Variants in PITPNA observed in about 807,000 individuals in gnomAD.
The protein encoded by PITPNA is phosphatidylinositol transfer protein alpha isoform.
A neutral mutation model predicts 50.3 loss-of-function variants in PITPNA; 13 were observed. That is an observed-to-expected ratio of 0.26 (90% CI 0.17 to 0.41). The LOEUF is 0.41. Among genes scored for constraint, PITPNA ranks in the 10% least tolerant of loss-of-function variants. The pLI is 1.00. For synonymous variants in PITPNA, 120 were observed against 119.6 expected, an observed-to-expected ratio of 1.00 and a Z score of -0.02; for missense variants, 207 against 333.4, an observed-to-expected ratio of 0.62 and a Z score of 2.95.
intron 6 of PITPNA, 102 bp downstream of exon 6, chr17:1,541,464 G>A (rs2075647482): frequency 1.2e-6 from 1 of 835,524 alleles, no homozygotes; most frequent in South Asian, 1.4e-5. Flanking sequence ...TTCCCGGCCA[G>A]GCAAAAGAGG....
chr17:1,558,060 A>G (rs145203898), intron 2 of PITPNA, among the ~76,000 whole-genome samples: 5,695 of 152,098 alleles, frequency 0.037, 361 homozygotes, highest in African/African-American at 0.13. Context: ...GTGAAAGCCC[A>G]TCTCTACTAA....
At chr17:1,548,259 G>C (rs571670456) in intron 4 of PITPNA, 37 bp downstream of exon 4, 29 of 1,407,630 alleles carry the variant, frequency 2.1e-5, no homozygotes, top group Middle Eastern at 1.8e-4. Context: ...TCTGCTGCCC[G>C]CCCCTGCCTG....
chr17:1,542,354 G>A (rs947287180), intron 5 of PITPNA, among the ~76,000 whole-genome samples: 5 of 152,134 alleles, frequency 3.3e-5, no homozygotes, highest in South Asian at 2.1e-4. Context: ...ACTCACCATG[G>A]CCCCTTTCCC....
At chr17:1,521,712 C>T in intron 10 of PITPNA, 67 bp from the exon 11 acceptor site, 1 of 1,359,036 alleles carries the variant, frequency 7.4e-7, no homozygotes, top group Non-Finnish European at 1.1e-6. Flanking sequence ...CTTCTCAGTC[C>T]TGCCCATAGG....
intron 3 of PITPNA, among the ~76,000 whole-genome samples, chr17:1,549,055 G>T (rs1452213615): frequency 3.3e-5 from 5 of 152,066 alleles, no homozygotes; most frequent in African/African-American, 1.2e-4. Context: ...TTACAGGCAT[G>T]CGCCACCACG....
At chr17:1,542,169 C>T (rs914448141) in intron 5 of PITPNA, among the ~76,000 whole-genome samples, 3 of 151,376 alleles carry the variant, frequency 2.0e-5, no homozygotes, top group Non-Finnish European at 4.4e-5. Flanking sequence ...CACTGCACTC[C>T]AGTCTAGGAA....
At position 1,517,955 on chromosome 17, in the gene PITPNA, G is replaced by T. The variant is rs562275847; in HGVS notation, c.*2606C>A. The T allele has an allele frequency of 3.4e-4, 52 of 152,682 alleles. No individual in the cohort carries two copies. The highest frequency in any genetic ancestry group is 1.2e-3 in the African/African-American group (49 of 41,550). 9.5% of individuals were successfully genotyped at this position (152,682 alleles called of 1,614,324 possible). On this transcript the variant is annotated 3_prime_UTR_variant, in exon 12 of 12. Transcript: ENST00000313486. ...GCAAGTTTGAGGATACATACAGCTGGAAAATGGACATCACCAAACTGGACT... is the reference window on the plus strand; with the variant it reads ...GCAAGTTTGAGGATACATACAGCTGTAAAATGGACATCACCAAACTGGACT...
chr17:1,534,300 C>G, intron 9 of PITPNA, 79 bp from the exon 10 acceptor site: 3 of 1,561,440 alleles, frequency 1.9e-6, no homozygotes, highest in Non-Finnish European at 2.6e-6. Context: ...GCACTCCACA[C>G]GAATACCCAC....
chr17:1,529,785 T>G (rs1026633906), intron 10 of PITPNA, among the ~76,000 whole-genome samples: 1 of 150,826 alleles, frequency 6.6e-6, no homozygotes, highest in South Asian at 2.1e-4. Context: ...AATTGGGGAG[T>G]TGGAGGTTGC....
At chr17:1,528,078 C>T (rs2075558726) in intron 10 of PITPNA, among the ~76,000 whole-genome samples, 2 of 152,168 alleles carry the variant, frequency 1.3e-5, no homozygotes, top group African/African-American at 4.8e-5. Context: ...GTAGTCCCAG[C>T]TACTTGGGAG....
intron 9 of PITPNA, 120 bp downstream of exon 9, chr17:1,535,062 C>A: frequency 1.5e-6 from 1 of 658,174 alleles, no homozygotes; most frequent in South Asian, 1.8e-5. Flanking sequence ...CCCCACCGCA[C>A]ACACACGCAG....
intron 4 of PITPNA, among the ~76,000 whole-genome samples, chr17:1,547,855 G>A (rs1031268955): frequency 1.3e-5 from 2 of 151,820 alleles, no homozygotes; most frequent in Admixed American, 1.3e-4. Flanking sequence ...TTAGCCAGGC[G>A]TGGCGGTATG....
In PITPNA at chr17:1,562,250, G is replaced by C. The variant is rs1266533276; in HGVS notation, c.20+291C>G. Reference sequence around the variant, plus strand: ...GTGCCCGTGGGCCCCTCCATGCCCCGGCTGCCCGTCCATGCCCCGTGGGCC... The same window carrying C: ...GTGCCCGTGGGCCCCTCCATGCCCCCGCTGCCCGTCCATGCCCCGTGGGCC... On this transcript the variant is annotated intron_variant, in intron 1 of 11. Transcript: ENST00000313486. The surrounding 1 kb of genome is among the most constrained non-coding windows in gnomAD (Gnocchi z 6.4). 1.3e-5 allele frequency among the ~76,000 whole-genome samples: 2 copies of C among 151,042 alleles called. No homozygotes were observed. Among genetic ancestry groups the C allele is most frequent in the Non-Finnish European group, 3.0e-5 (2 of 67,644 alleles).
At chr17:1,559,867 C>T in intron 1 of PITPNA, 1 of 702,852 alleles carries the variant, frequency 1.4e-6, no homozygotes. Context: ...CAACATAAAT[C>T]CTCCAGTTTA....
At chr17:1,561,903 G>C (rs1387982496) in intron 1 of PITPNA, among the ~76,000 whole-genome samples, 2 of 152,114 alleles carry the variant, frequency 1.3e-5, no homozygotes, top group Non-Finnish European at 2.9e-5. Context: ...CTCTCCGTGT[G>C]AACTGTTCGG....
At chr17:1,521,234 G>A (rs1392405732) in intron 11 of PITPNA, among the ~76,000 whole-genome samples, 1 of 152,218 alleles carries the variant, frequency 6.6e-6, no homozygotes, top group Non-Finnish European at 1.5e-5. Context: ...GGGAGCTGGC[G>A]CTGGCGTGGG....
chr17:1,539,454 A>G (rs57410400), intron 6 of PITPNA, among the ~76,000 whole-genome samples: 33,602 of 147,208 alleles, frequency 0.23, 4,232 homozygotes, highest in African/African-American at 0.37. Flanking sequence ...CTCCTGTCAC[A>G]GCCTCCTGAG....
intron 1 of PITPNA, among the ~76,000 whole-genome samples, chr17:1,561,491 T>C (rs921066284): frequency 6.6e-6 from 1 of 152,076 alleles, no homozygotes; most frequent in African/African-American, 2.4e-5. Context: ...GGCCCTGCCC[T>C]GGTCTCCCCC....
At chr17:1,543,059 A>T (rs758843775) in intron 4 of PITPNA, 32 bp from the exon 5 acceptor site, 1 of 1,555,580 alleles carries the variant, frequency 6.4e-7, no homozygotes, top group Admixed American at 1.8e-5. Flanking sequence ...GAAAGAAGAG[A>T]GAAAAAGATT....
Sources: allele counts gnomAD v4.1 joint callset (sites outside exome capture counted in the v4.1 genomes callset), GRCh38; gene constraint gnomAD v4.1.1; non-coding constraint Gnocchi (gnomAD v3.1); transcripts MANE v1.5; gene names NCBI Gene and HGNC (gene_info 2026-07-23, HGNC 2026-07-21).